Variants in RAI1 observed in about 807,000 individuals in gnomAD.
The protein encoded by RAI1 is retinoic acid-induced protein 1.
In RAI1, 9 loss-of-function variants were observed where a neutral mutation model predicts 123.8. That is an observed-to-expected ratio of 0.07 (90% CI 0.04 to 0.13). RAI1 has a LOEUF of 0.13. RAI1 is among the 10% of genes least tolerant of loss of function. The probability of loss-of-function intolerance (pLI) is 1.00; values close to 1 mark genes in which losing one functional copy is unlikely to be tolerated. For synonymous variants in RAI1, 1,231 were observed against 1,127.3 expected (o/e 1.09, Z -1.84); for missense variants, 2,256 against 2,545.8 (o/e 0.89, Z 2.45).
chr17:17,781,920 G>A (rs982384317), intron 2 of RAI1, among the ~76,000 whole-genome samples: 2 of 152,306 alleles, frequency 1.3e-5, no homozygotes, highest in South Asian at 4.1e-4. Context: ...GAGGAGGGAA[G>A]GCCGAAAACC....
intron 2 of RAI1, among the ~76,000 whole-genome samples, chr17:17,760,628 AG>A (rs2030651086): frequency 6.6e-6 from 1 of 152,254 alleles, no homozygotes; most frequent in Non-Finnish European, 1.5e-5. Flanking sequence ...TCCAGAGTCT[AG>A]AAGCTGGAGC....
chr17:17,773,900 T>C (rs1045915495), intron 2 of RAI1, among the ~76,000 whole-genome samples: 2 of 152,202 alleles, frequency 1.3e-5, no homozygotes, highest in Non-Finnish European at 2.9e-5. Flanking sequence ...AATAATCACG[T>C]AATTATAATG....
intron 2 of RAI1, among the ~76,000 whole-genome samples, chr17:17,744,852 G>A (rs1916770202): frequency 6.6e-6 from 1 of 150,508 alleles, no homozygotes; most frequent in Non-Finnish European, 1.5e-5. Flanking sequence ...CAGAGTTCCT[G>A]TCTAGGCTTC....
chr17:17,779,269 A>C (rs922288551), intron 2 of RAI1: 2 of 302,366 alleles, frequency 6.6e-6, no homozygotes, highest in African/African-American at 4.4e-5. Context: ...TGGTCAGCAG[A>C]CTGCGTGTCT....
intron 2 of RAI1, among the ~76,000 whole-genome samples, chr17:17,751,041 C>A (rs546351044): frequency 6.6e-6 from 1 of 152,356 alleles, no homozygotes; most frequent in African/African-American, 2.4e-5. Flanking sequence ...TAACCATTAG[C>A]CGTCGACTTC....
intron 2 of RAI1, among the ~76,000 whole-genome samples, chr17:17,785,281 C>A (rs1204267035): frequency 3.9e-5 from 6 of 152,336 alleles, no homozygotes; most frequent in African/African-American, 1.4e-4. Flanking sequence ...CATCCTCAAA[C>A]CTGTCTCTGG....
intron 1 of RAI1, among the ~76,000 whole-genome samples, chr17:17,712,426 T>A (rs934065259): frequency 4.6e-5 from 7 of 152,172 alleles, no homozygotes; most frequent in African/African-American, 1.7e-4. Flanking sequence ...GAGGCCTGTG[T>A]GGCTGCAGCG....
At chr17:17,764,629 C>T (rs907507904) in intron 2 of RAI1, among the ~76,000 whole-genome samples, 2 of 152,146 alleles carry the variant, frequency 1.3e-5, no homozygotes, top group Non-Finnish European at 2.9e-5. Context: ...CCTGCCACCA[C>T]GCCTAACTAA....
chr17:17,769,998 G>T (rs1185958637), intron 2 of RAI1, among the ~76,000 whole-genome samples: 2 of 152,208 alleles, frequency 1.3e-5, no homozygotes, highest in Non-Finnish European at 2.9e-5. Context: ...GGGTGAGCGG[G>T]GGGGCCCTGC....
chr17:17,730,315 G>A (rs748482221), intron 2 of RAI1, among the ~76,000 whole-genome samples: 5 of 152,258 alleles, frequency 3.3e-5, no homozygotes, highest in Non-Finnish European at 7.3e-5. Context: ...ACTTGGAGGA[G>A]TGATCAGAAG....
At chr17:17,725,804 A>G (rs888964463) in intron 2 of RAI1, among the ~76,000 whole-genome samples, 5 of 152,110 alleles carry the variant, frequency 3.3e-5, no homozygotes, top group South Asian at 2.1e-4. Flanking sequence ...GGTGAAGGCA[A>G]TTCCTCTCCC....
chr17:17,783,494 A>G (rs1255512315), intron 2 of RAI1, among the ~76,000 whole-genome samples: 1 of 152,034 alleles, frequency 6.6e-6, no homozygotes, highest in East Asian at 1.9e-4. Context: ...CGGCAGCAGC[A>G]GGCGCTCTGC....
At chr17:17,723,341 C>A (rs914476348) in intron 1 of RAI1, among the ~76,000 whole-genome samples, 2 of 21,420 alleles carry the variant, frequency 9.3e-5, no homozygotes, top group Admixed American at 6.8e-4. Flanking sequence ...GTATCCAGAC[C>A]CCCCCCCCCA....
At chr17:17,740,304 C>G (rs1397068467) in intron 2 of RAI1, among the ~76,000 whole-genome samples, 1 of 152,224 alleles carries the variant, frequency 6.6e-6, no homozygotes, top group Non-Finnish European at 1.5e-5. Context: ...AGCTCCTCCT[C>G]TGTCATCCAG....
intron 2 of RAI1, among the ~76,000 whole-genome samples, chr17:17,745,136 A>C (rs780084642): frequency 1.3e-5 from 2 of 152,114 alleles, no homozygotes; most frequent in Non-Finnish European, 2.9e-5. Flanking sequence ...CAGGACAGGG[A>C]ATGGGGATCG....
Position 17,799,786 on chromosome 17 carries a change from C to A in RAI1, c.5565+1273C>A, listed in dbSNP as rs1020463513. ...TTCGCCCCTCCCCCTGCCCAGCCTC[C>A]TCCCCCGTCGCTGCACTGCCCACCT... is the stretch of plus-strand genomic sequence containing the variant. On this transcript the variant is annotated intron_variant, in intron 3 of 5. Transcript: ENST00000353383. This position sits in a 1 kb window ranked among gnomAD's most constrained non-coding sequence, Gnocchi z 4.5. Among the ~76,000 whole-genome samples, 2 of 152,208 alleles carry A rather than the reference C, an allele frequency of 1.3e-5. No homozygotes were observed. The highest frequency in any genetic ancestry group is 4.8e-5 in the African/African-American group (2 of 41,450).
intron 1 of RAI1, among the ~76,000 whole-genome samples, chr17:17,694,780 C>T (rs1350971130): frequency 1.3e-5 from 2 of 149,872 alleles, no homozygotes; most frequent in Non-Finnish European, 3.0e-5. Context: ...GCGGGCCGCT[C>T]GCGTCGCCAT....
At chr17:17,699,085 TCAGGAGACC>T (rs1325072233) in intron 1 of RAI1, among the ~76,000 whole-genome samples, 1 of 152,180 alleles carries the variant, frequency 6.6e-6, no homozygotes, top group Non-Finnish European at 1.5e-5. Context: ...ATTGAAGGAA[TCAGGAGACC>T]CAGATTCTTG....
At chr17:17,767,155 A>G (rs1031856994) in intron 2 of RAI1, among the ~76,000 whole-genome samples, 1 of 152,190 alleles carries the variant, frequency 6.6e-6, no homozygotes, top group African/African-American at 2.4e-5. Flanking sequence ...GACTTCCCCA[A>G]CGAGCCAGGT....
Sources: gnomAD v4.1 joint callset for allele counts (sites outside exome capture counted in the v4.1 genomes callset) on GRCh38, gnomAD v4.1.1 for gene constraint, Gnocchi (gnomAD v3.1) non-coding constraint, MANE v1.5 for transcripts, NCBI Gene and HGNC (gene_info 2026-07-23, HGNC 2026-07-21) for gene names.